Variants in SSBP2 observed in about 807,000 individuals in gnomAD.
The protein encoded by SSBP2 is single-stranded DNA-binding protein 2.
In SSBP2, 17 loss-of-function variants were observed where a neutral mutation model predicts 61.8. That is an observed-to-expected ratio of 0.28 (90% CI 0.19 to 0.41). The LOEUF is 0.41. SSBP2 is among the 10% of genes least tolerant of loss of function. The pLI, the probability that SSBP2 is intolerant of heterozygous loss-of-function variation, is 1.00. For missense variants in SSBP2, 310 were observed against 458.7 expected (o/e 0.68, Z 2.96); for synonymous variants, 139 against 141.3 (o/e 0.98, Z 0.12).
chr5:81,496,432 G>C (rs1461648022), intron 5 of SSBP2, among the ~76,000 whole-genome samples: 2 of 152,106 alleles, frequency 1.3e-5, no homozygotes, highest in Non-Finnish European at 2.9e-5. Context: ...CGCCTGCCTA[G>C]GCCTCCCAAA....
chr5:81,446,999 T>C, intron 11 of SSBP2, 77 bp from the exon 12 acceptor site: 5 of 1,009,964 alleles, frequency 5.0e-6, no homozygotes, highest in Non-Finnish European at 7.1e-6. Flanking sequence ...ATATCTATAA[T>C]AATCCAATTT....
chr5:81,514,770 T>C (rs1225463402), intron 4 of SSBP2, among the ~76,000 whole-genome samples: 1 of 152,004 alleles, frequency 6.6e-6, no homozygotes, highest in African/African-American at 2.4e-5. Context: ...TCCCAGTATA[T>C]AAATTGTTTA....
intron 4 of SSBP2, among the ~76,000 whole-genome samples, chr5:81,600,962 G>A (rs1026337297): frequency 4.6e-5 from 7 of 151,936 alleles, no homozygotes; most frequent in Admixed American, 3.3e-4. Context: ...CATCATTTAG[G>A]GTATACTCTT....
At chr5:81,593,933 C>T (rs1743411557) in intron 4 of SSBP2, among the ~76,000 whole-genome samples, 1 of 152,208 alleles carries the variant, frequency 6.6e-6, no homozygotes, top group Non-Finnish European at 1.5e-5. Flanking sequence ...ACTGCATCAA[C>T]TAACGAGCAA....
intron 6 of SSBP2, among the ~76,000 whole-genome samples, chr5:81,488,355 C>T (rs537709854): frequency 6.6e-6 from 1 of 151,904 alleles, no homozygotes; most frequent in African/African-American, 2.4e-5. Flanking sequence ...ACAAAAGTTC[C>T]CTTTTCTTTA....
At chr5:81,455,625 CAAAAAAAAAAAAAA>C (rs537363119) in intron 10 of SSBP2, among the ~76,000 whole-genome samples, 3 of 12,562 alleles carry the variant, frequency 2.4e-4, no homozygotes, top group Admixed American at 1.2e-3. Flanking sequence ...GACTCCGTCT[CAAAAAAAAAAAAAA>C]AAAAAAAAAA....
At chr5:81,466,876 A>C (rs1764925421) in intron 9 of SSBP2, 98 bp downstream of exon 9, 6 of 716,668 alleles carry the variant, frequency 8.4e-6, no homozygotes, top group Non-Finnish European at 1.0e-5. Context: ...TAGAGGCCAG[A>C]AAATAGAACA....
At chr5:81,656,811 A>G (rs1750256747) in intron 1 of SSBP2, among the ~76,000 whole-genome samples, 1 of 152,206 alleles carries the variant, frequency 6.6e-6, no homozygotes, top group Non-Finnish European at 1.5e-5. Flanking sequence ...TAAAAACATT[A>G]AAGTATTCAA....
At chr5:81,576,482 C>G (rs1226881421) in intron 4 of SSBP2, among the ~76,000 whole-genome samples, 1 of 151,962 alleles carries the variant, frequency 6.6e-6, no homozygotes, top group East Asian at 1.9e-4. Flanking sequence ...AACCAAAGCA[C>G]AGAGAGGTTC....
chr5:81,462,205 G>A (rs918467058), intron 9 of SSBP2, among the ~76,000 whole-genome samples: 1 of 152,054 alleles, frequency 6.6e-6, no homozygotes, highest in Non-Finnish European at 1.5e-5. Context: ...ATCTCATAAT[G>A]TTTTAAGAAA....
intron 5 of SSBP2, 113 bp from the exon 6 acceptor site, chr5:81,489,422 G>A (rs1580815712): frequency 2.4e-6 from 2 of 844,932 alleles, no homozygotes; most frequent in Non-Finnish European, 3.6e-6. Flanking sequence ...ACAAATCAAT[G>A]TACTTTGAGG....
At chr5:81,566,291 A>G (rs1439985194) in intron 4 of SSBP2, among the ~76,000 whole-genome samples, 1 of 152,182 alleles carries the variant, frequency 6.6e-6, no homozygotes, top group Non-Finnish European at 1.5e-5. Context: ...TTGTACTCCC[A>G]TAATTCCCAT....
chr5:81,569,986 T>A (rs1022588281), intron 4 of SSBP2, among the ~76,000 whole-genome samples: 1 of 152,136 alleles, frequency 6.6e-6, no homozygotes, highest in Non-Finnish European at 1.5e-5. Flanking sequence ...TACTTTAAGA[T>A]AAAACTTAAA....
At chr5:81,526,064 C>T (rs918686316) in intron 4 of SSBP2, among the ~76,000 whole-genome samples, 1 of 151,944 alleles carries the variant, frequency 6.6e-6, no homozygotes, top group African/African-American at 2.4e-5. Context: ...ATCCCATATA[C>T]GTCAGTAAAA....
chr5:81,589,869 G>C (rs1775359518), intron 4 of SSBP2, among the ~76,000 whole-genome samples: 1 of 151,978 alleles, frequency 6.6e-6, no homozygotes, highest in Non-Finnish European at 1.5e-5. Flanking sequence ...AAGAGGGTGA[G>C]AGAGGGAGAG....
chr5:81,537,784 C>T (rs1009819136), intron 4 of SSBP2, among the ~76,000 whole-genome samples: 1 of 152,144 alleles, frequency 6.6e-6, no homozygotes, highest in African/African-American at 2.4e-5. Flanking sequence ...GCTTTACCTA[C>T]TGGCTGTTCC....
At chr5:81,566,760 C>T (rs1272110040) in intron 4 of SSBP2, among the ~76,000 whole-genome samples, 1 of 152,144 alleles carries the variant, frequency 6.6e-6, no homozygotes, top group African/African-American at 2.4e-5. Context: ...GACAAAAATG[C>T]TTATAGAGAT....
At chr5:81,559,623 A>T (rs796849224) in intron 4 of SSBP2, among the ~76,000 whole-genome samples, 4 of 152,178 alleles carry the variant, frequency 2.6e-5, no homozygotes, top group African/African-American at 9.6e-5. Context: ...TCTACCTTAA[A>T]TTATGTGAGT....
At chr5:81,716,176 T>C (rs1755160385) in intron 1 of SSBP2, among the ~76,000 whole-genome samples, 1 of 151,398 alleles carries the variant, frequency 6.6e-6, no homozygotes, top group Non-Finnish European at 1.5e-5. Flanking sequence ...AGCAGCAATA[T>C]AAACTTATTT....
Sources: allele counts gnomAD v4.1 joint callset (sites outside exome capture counted in the v4.1 genomes callset), GRCh38; gene constraint gnomAD v4.1.1; transcripts MANE v1.5; gene names NCBI Gene and HGNC (gene_info 2026-07-23, HGNC 2026-07-21).